PPFIA1: variants seen among roughly 807,000 people sequenced by gnomAD.
PPFIA1 encodes PPFI scaffold protein A1.
Under a neutral mutation model 149.9 loss-of-function variants are expected in PPFIA1, and 25 were observed. The ratio of observed to expected loss-of-function variants is 0.17; its 90% confidence interval spans 0.12 to 0.23. The LOEUF is 0.23. PPFIA1 is among the 10% of genes least tolerant of loss of function. PPFIA1 has a pLI of 1.00. For synonymous variants in PPFIA1, 549 were observed against 552.8 expected, an observed-to-expected ratio of 0.99 and a Z score of 0.10; for missense variants, 1,362 against 1,506.5, an observed-to-expected ratio of 0.90 and a Z score of 1.59.
intron 2 of PPFIA1, among the ~76,000 whole-genome samples, chr11:70,276,300 T>C (rs1342587388): frequency 6.6e-6 from 1 of 151,684 alleles, no homozygotes; most frequent in Non-Finnish European, 1.5e-5. Context: ...TGCATATTGT[T>C]TGTAGCCTGG....
At chr11:70,318,173 T>C (rs2053745157) in intron 2 of PPFIA1, among the ~76,000 whole-genome samples, 1 of 152,202 alleles carries the variant, frequency 6.6e-6, no homozygotes, top group Non-Finnish European at 1.5e-5. Context: ...CCCGCCCTCT[T>C]TCTTCTACGC....
chr11:70,378,416 C>A (rs1455017917), intron 26 of PPFIA1: 1 of 1,274,416 alleles, frequency 7.8e-7, no homozygotes, highest in African/African-American at 1.5e-5. Context: ...CTGGTTGAAT[C>A]TTAGCATATT....
At chr11:70,289,053 C>T (rs548866764) in intron 2 of PPFIA1, among the ~76,000 whole-genome samples, 94 of 150,984 alleles carry the variant, frequency 6.2e-4, no homozygotes, top group African/African-American at 2.1e-3. Flanking sequence ...CTGCAAGCTC[C>T]GCCTCCCGGG....
chr11:70,277,057 TATA>T (rs796680014), intron 2 of PPFIA1, among the ~76,000 whole-genome samples: 7 of 42,448 alleles, frequency 1.6e-4, no homozygotes, highest in Non-Finnish European at 2.9e-4. Context: ...TATATATATA[TATA>T]TTTTTTTTTT....
At chr11:70,298,674 A>C (rs1161516287) in intron 2 of PPFIA1, among the ~76,000 whole-genome samples, 2 of 152,288 alleles carry the variant, frequency 1.3e-5, no homozygotes, top group East Asian at 3.9e-4. Context: ...GCTGCTGCTC[A>C]GAGGGCTTCC....
chr11:70,355,968 C>T (rs1187599562), intron 18 of PPFIA1, among the ~76,000 whole-genome samples, 157 bp downstream of exon 18: 1 of 152,204 alleles, frequency 6.6e-6, no homozygotes, highest in African/African-American at 2.4e-5. Context: ...GCAGTTTATG[C>T]TCACTTGCCA....
At chr11:70,364,433 GT>G (rs2056814940) in intron 21 of PPFIA1, 1 of 152,232 alleles carries the variant, frequency 6.6e-6, no homozygotes, top group Non-Finnish European at 1.5e-5. Context: ...TGGATTCCCA[GT>G]CTCTGCTTTT....
intron 7 of PPFIA1, among the ~76,000 whole-genome samples, chr11:70,328,446 A>G (rs1334989216): frequency 6.6e-6 from 1 of 152,184 alleles, no homozygotes; most frequent in Non-Finnish European, 1.5e-5. Flanking sequence ...TCCATGGTGT[A>G]TACGTACCAC....
At chr11:70,314,532 T>A (rs918369329) in intron 2 of PPFIA1, among the ~76,000 whole-genome samples, 1 of 152,224 alleles carries the variant, frequency 6.6e-6, no homozygotes, top group African/African-American at 2.4e-5. Context: ...TTATCTTACT[T>A]CCAACTCTCA....
At chr11:70,359,660 T>G (rs2056535367) in intron 19 of PPFIA1, among the ~76,000 whole-genome samples, 1 of 152,206 alleles carries the variant, frequency 6.6e-6, no homozygotes, top group African/African-American at 2.4e-5. Context: ...ACATACTGTT[T>G]GATCAGCAAA....
chr11:70,361,678 C>T (rs1459930739), intron 19 of PPFIA1, among the ~76,000 whole-genome samples: 1 of 151,348 alleles, frequency 6.6e-6, no homozygotes, highest in Non-Finnish European at 1.5e-5. Flanking sequence ...TGCAGTGGCA[C>T]AGTCATGGCC....
chr11:70,329,473 A>ATC (rs1159736336), intron 7 of PPFIA1, among the ~76,000 whole-genome samples: 5 of 151,892 alleles, frequency 3.3e-5, no homozygotes, highest in Admixed American at 2.6e-4. Context: ...TTGAGACAGG[A>ATC]TCTCTCTCTG....
At chr11:70,377,331 C>T (rs375682902) in intron 25 of PPFIA1, among the ~76,000 whole-genome samples, 39 of 152,244 alleles carry the variant, frequency 2.6e-4, no homozygotes, top group East Asian at 1.7e-3. Context: ...ATATTAAAAA[C>T]ACAAAATGTT....
At chr11:70,274,753 C>G (rs2050285597) in intron 2 of PPFIA1, among the ~76,000 whole-genome samples, 1 of 151,866 alleles carries the variant, frequency 6.6e-6, no homozygotes, top group African/African-American at 2.4e-5. Flanking sequence ...GGGTCTCACT[C>G]TGTTGCCCAG....
chr11:70,270,732 C>G lies in PPFIA1; in HGVS notation c.-183C>G, dbSNP rs1341221170. On this transcript the variant is annotated 5_prime_UTR_variant, in exon 1 of 28. Transcript: ENST00000253925. The stretch of plus-strand genomic sequence containing the variant: ...AGCCGGGCCCGCTCCTCCTCCGCTC[C>G]GCCAGTGTCCGGCCGCGGGCCGGCC... The G allele has an allele frequency of 1.3e-5, 2 of 150,758 alleles. No homozygotes were observed. Among genetic ancestry groups the G allele is most frequent in the Non-Finnish European group, 3.0e-5 (2 of 67,582 alleles). The allele number at this position is 150,758 out of a possible 1,614,324, so 9.3% of individuals were successfully genotyped here.
intron 9 of PPFIA1, 34 bp downstream of exon 9, chr11:70,332,128 C>T (rs1306150658): frequency 1.2e-5 from 19 of 1,557,234 alleles, no homozygotes; most frequent in Non-Finnish European, 1.6e-5. Flanking sequence ...GTTCGGCTGC[C>T]AGGCCTGTGA....
chr11:70,339,054 C>T (rs1467966851), intron 13 of PPFIA1, 117 bp from the exon 14 acceptor site: 1 of 1,272,784 alleles, frequency 7.9e-7, no homozygotes, highest in East Asian at 2.5e-5. Context: ...AGTGCCCTCC[C>T]TGGAGACCCT....
intron 2 of PPFIA1, among the ~76,000 whole-genome samples, chr11:70,285,368 T>C (rs1038248870): frequency 1.3e-5 from 2 of 152,010 alleles, no homozygotes; most frequent in African/African-American, 4.8e-5. Flanking sequence ...GTGCATGGGT[T>C]TGGGCTATAA....
chr11:70,365,234 A>T lies in PPFIA1; in HGVS notation c.2865+2746A>T, dbSNP rs959684583. On this transcript the variant is annotated intron_variant, in intron 21 of 27. Transcript: ENST00000253925. Reference sequence around the variant, plus strand: ...CAGGGAATGGTTATTCTGTACGGGCATCTGAACTGAAAAGTGAGAAGAGCG... The same window carrying T: ...CAGGGAATGGTTATTCTGTACGGGCTTCTGAACTGAAAAGTGAGAAGAGCG... 2.9e-5 allele frequency: 10 copies of T among 350,768 alleles called. No individual in the cohort carries two copies. The Admixed American group carries it at 3.0e-4, about 11-fold the overall frequency. The allele number at this position is 350,768 out of a possible 1,614,324, so 21.7% of individuals were successfully genotyped here.
Sources: allele counts gnomAD v4.1 joint callset (sites outside exome capture counted in the v4.1 genomes callset), GRCh38; gene constraint gnomAD v4.1.1; transcripts MANE v1.5; gene names NCBI Gene and HGNC (gene_info 2026-07-23, HGNC 2026-07-21).